RELB: variants seen among roughly 807,000 people sequenced by gnomAD.
RELB encodes the protein transcription factor RelB.
A neutral mutation model predicts 55.4 loss-of-function variants in RELB; 14 were observed. The observed-to-expected ratio is 0.25, with a 90% confidence interval of 0.17 to 0.40. The LOEUF (loss-of-function observed/expected upper bound fraction) is 0.40. Ranked by LOEUF, RELB falls within the 10% of genes least tolerant of loss-of-function variation. RELB has a pLI of 1.00. For synonymous variants in RELB, 409 were observed against 371.3 expected, an observed-to-expected ratio of 1.10 and a Z score of -1.17; for missense variants, 669 against 830.7, an observed-to-expected ratio of 0.81 and a Z score of 2.39.
intron 3 of RELB, among the ~76,000 whole-genome samples, chr19:45,011,569 GC>G (rs1214476883): frequency 6.6e-6 from 1 of 152,072 alleles, no homozygotes; most frequent in Non-Finnish European, 1.5e-5. Context: ...CTGTTCTCCT[GC>G]CTCAGCCTCC....
At chr19:45,028,831 G>T in intron 7 of RELB, 57 bp from the exon 8 acceptor site, 2 of 1,449,320 alleles carry the variant, frequency 1.4e-6, no homozygotes, top group South Asian at 2.4e-5. Flanking sequence ...GTAAGGCTTT[G>T]GTGACTGAAT....
At chr19:45,003,832 C>T (rs992148166) in intron 2 of RELB, among the ~76,000 whole-genome samples, 3 of 148,240 alleles carry the variant, frequency 2.0e-5, no homozygotes, top group African/African-American at 5.0e-5. Flanking sequence ...ATAATAATAA[C>T]GATAATAATT....
At chr19:45,001,808 A>G in intron 1 of RELB, 123 bp downstream of exon 1, 1 of 564,122 alleles carries the variant, frequency 1.8e-6, no homozygotes, top group Non-Finnish European at 3.0e-6. Context: ...GGGCAGAGTG[A>G]GGGTTCCTGA....
intron 7 of RELB, among the ~76,000 whole-genome samples, 188 bp downstream of exon 7, chr19:45,025,925 C>T (rs1481256509): frequency 1.3e-5 from 2 of 151,838 alleles, no homozygotes; most frequent in Non-Finnish European, 2.9e-5. Flanking sequence ...TTGGCAAAAC[C>T]CTGTCTCTAT....
intron 11 of RELB, among the ~76,000 whole-genome samples, chr19:45,036,325 G>C (rs1209580297): frequency 6.6e-6 from 1 of 152,072 alleles, no homozygotes; most frequent in Admixed American, 6.6e-5. Flanking sequence ...TGCCCGCCTC[G>C]GCCTGCCAAA....
intron 2 of RELB, among the ~76,000 whole-genome samples, chr19:45,005,238 T>A (rs537880240): frequency 3.9e-5 from 6 of 152,104 alleles, no homozygotes; most frequent in Non-Finnish European, 5.9e-5. Context: ...AGGTTTGGGA[T>A]GAGAAATTAT....
chr19:45,036,023 A>G (rs1971681985), intron 11 of RELB, among the ~76,000 whole-genome samples: 1 of 152,194 alleles, frequency 6.6e-6, no homozygotes, highest in Non-Finnish European at 1.5e-5. Context: ...GCTGCAAGGA[A>G]GGCTAGAAAA....
Position 45,037,698 on chromosome 19 carries a change from G to A in RELB, c.1648G>A (p.Ala550Thr), listed in dbSNP as rs1440122670. ...QAPGPGDGGT[A>T]SLVGSNMFPN... is the part of the protein sequence containing the mutation. ...CCCGGGCCCCGGGGATGGAGGCACC[G>A]CCAGCCTTGTGGGCAGCAACATGTT... Residue 550 changes from alanine (A) to threonine (T), a missense_variant, in exon 12 of 12, where the codon GCC (alanine) becomes ACC (threonine). Physicochemically the swap from Ala to Thr is moderately conservative, Grantham distance 58. This residue lies in a region of RELB where 341 missense variants were observed against 436.8 expected (regional missense o/e 0.78). Transcript: ENST00000221452. 6 of 1,555,638 alleles carry A rather than the reference G, an allele frequency of 3.9e-6. No homozygotes were observed. The African/African-American group carries it at 5.6e-5, about 15-fold the overall frequency.
At chr19:45,025,548 G>T (rs1243235702) in intron 6 of RELB, 58 bp from the exon 7 acceptor site, 142 of 1,607,050 alleles carry the variant, frequency 8.8e-5, no homozygotes, top group Non-Finnish European at 9.4e-6. Flanking sequence ...CCGTTCCCCT[G>T]TACCCCAGAG....
intron 11 of RELB, among the ~76,000 whole-genome samples, 167 bp from the exon 12 acceptor site, chr19:45,037,238 C>G (rs1299744145): frequency 6.7e-6 from 1 of 149,730 alleles, no homozygotes; most frequent in Non-Finnish European, 1.5e-5. Flanking sequence ...GCCAAGAGCA[C>G]GTCATTGCAC....
At chr19:45,018,386 A>G (rs553763258) in intron 4 of RELB, among the ~76,000 whole-genome samples, 1 of 152,174 alleles carries the variant, frequency 6.6e-6, no homozygotes, top group Non-Finnish European at 1.5e-5. Context: ...CCTGGCCAAC[A>G]GAGCGAGACT....
chr19:45,003,005 C>G lies in RELB; in HGVS notation c.154+9C>G, dbSNP rs761977171. 6.2e-7 allele frequency: 1 copy of G among 1,612,116 alleles called. No individual in the cohort carries two copies. Among genetic ancestry groups the G allele is most frequent in the Admixed American group, 1.7e-5 (1 of 59,800 alleles). On this transcript the variant is annotated intron_variant, in intron 2 of 11. Transcript: ENST00000221452. ...CGTTTCCAGGAGCACAGGTGAGCAGCCCTCCACAGTTCCTGCCCACTCGCT... is the reference window on the plus strand; with the variant it reads ...CGTTTCCAGGAGCACAGGTGAGCAGGCCTCCACAGTTCCTGCCCACTCGCT...
At chr19:45,031,473 C>T (rs1971620090) in intron 8 of RELB, among the ~76,000 whole-genome samples, 1 of 152,124 alleles carries the variant, frequency 6.6e-6, no homozygotes, top group Non-Finnish European at 1.5e-5. Flanking sequence ...TTTGCCATAA[C>T]AGATCATAGC....
chr19:45,005,407 CTGT>C (rs1971270866), intron 2 of RELB, among the ~76,000 whole-genome samples: 1 of 152,194 alleles, frequency 6.6e-6, no homozygotes, highest in South Asian at 2.1e-4. Flanking sequence ...AGGGGTAGTC[CTGT>C]TGTTATGAAT....
At chr19:45,018,183 T>C (rs1971443272) in intron 4 of RELB, among the ~76,000 whole-genome samples, 1 of 151,782 alleles carries the variant, frequency 6.6e-6, no homozygotes, top group South Asian at 2.1e-4. Context: ...GGCAGGCAGA[T>C]CACAAGGTCA....
intron 5 of RELB, 51 bp from the exon 6 acceptor site, chr19:45,025,278 C>A: frequency 7.4e-7 from 1 of 1,344,802 alleles, no homozygotes; most frequent in Non-Finnish European, 1.0e-6. Context: ...AGGTTAGGGC[C>A]ACACTTGCCT....
chr19:45,002,065 T>A (rs1344903405), intron 1 of RELB, among the ~76,000 whole-genome samples: 1 of 119,238 alleles, frequency 8.4e-6, no homozygotes, highest in Non-Finnish European at 1.6e-5. Flanking sequence ...GGGCCGGGCC[T>A]GACTCAAAAA....
At chr19:45,018,213 G>C (rs564255005) in intron 4 of RELB, among the ~76,000 whole-genome samples, 1 of 152,102 alleles carries the variant, frequency 6.6e-6, no homozygotes, top group East Asian at 2.0e-4. Flanking sequence ...GACCATCCTG[G>C]CTAACATGGT....
intron 3 of RELB, among the ~76,000 whole-genome samples, 182 bp from the exon 4 acceptor site, chr19:45,011,754 C>CTG (rs1568398107): frequency 1.4e-4 from 6 of 42,540 alleles, no homozygotes; most frequent in African/African-American, 3.2e-4. Context: ...GCCTCCCTGA[C>CTG]TCTGTGTGTG....
Sources: allele counts gnomAD v4.1 joint callset (sites outside exome capture counted in the v4.1 genomes callset), GRCh38; gene constraint gnomAD v4.1.1; regional missense constraint gnomAD v4.1.1; transcripts MANE v1.5; gene names NCBI Gene and HGNC (gene_info 2026-07-23, HGNC 2026-07-21).